Variants in WDR70 observed in about 807,000 individuals in gnomAD.
WDR70 encodes WD repeat domain 70, also known as WD repeat-containing protein 70.
Under a neutral mutation model 88.6 loss-of-function variants are expected in WDR70, and 53 were observed. The observed-to-expected ratio is 0.60, with a 90% CI of 0.48 to 0.75. The LOEUF is 0.75. Ranked by LOEUF, WDR70 falls within the 30% of genes least tolerant of loss-of-function variation. The pLI, the probability that WDR70 is intolerant of heterozygous loss-of-function variation, is 0.00. For synonymous variants in WDR70, 280 were observed against 270.0 expected (o/e 1.04, Z -0.36); for missense variants, 610 against 823.2 (o/e 0.74, Z 3.17).
chr5:37,614,256 G>A (rs941508918), intron 10 of WDR70, among the ~76,000 whole-genome samples: 3 of 152,092 alleles, frequency 2.0e-5, no homozygotes, highest in Non-Finnish European at 4.4e-5. Flanking sequence ...GGCCAGCAAC[G>A]TTGTTGAGTC....
chr5:37,670,872 A>G (rs1237409212), intron 10 of WDR70, among the ~76,000 whole-genome samples: 1 of 152,318 alleles, frequency 6.6e-6, no homozygotes, highest in East Asian at 1.9e-4. Context: ...AGTGGCTGGG[A>G]CAATATTTGG....
intron 9 of WDR70, among the ~76,000 whole-genome samples, chr5:37,589,249 TACAC>T (rs57446016): frequency 0.14 from 19,582 of 140,024 alleles, 1,487 homozygotes; most frequent in South Asian, 0.22. Flanking sequence ...CCTACACACA[TACAC>T]ACACACACAC....
intron 9 of WDR70, among the ~76,000 whole-genome samples, chr5:37,554,113 T>TG (rs1742227938): frequency 6.6e-6 from 1 of 151,906 alleles, no homozygotes; most frequent in Admixed American, 6.6e-5. Context: ...TACTCCTTTT[T>TG]TTTTTTTTTT....
chr5:37,602,114 A>C (rs1743901627), intron 9 of WDR70, among the ~76,000 whole-genome samples: 1 of 152,100 alleles, frequency 6.6e-6, no homozygotes, highest in Non-Finnish European at 1.5e-5. Flanking sequence ...GAAATACCTA[A>C]TGTAGGTGAC....
At chr5:37,530,806 TA>T (rs1741460331) in intron 9 of WDR70, among the ~76,000 whole-genome samples, 1 of 151,434 alleles carries the variant, frequency 6.6e-6, no homozygotes, top group Non-Finnish European at 1.5e-5. Flanking sequence ...TTCATTGAGT[TA>T]TGCTCTGATC....
intron 10 of WDR70, among the ~76,000 whole-genome samples, chr5:37,625,520 T>C (rs1318429997): frequency 6.6e-6 from 1 of 151,968 alleles, no homozygotes; most frequent in Non-Finnish European, 1.5e-5. Flanking sequence ...TTTTTGTTGT[T>C]GTTTTTATTT....
chr5:37,592,083 C>G (rs920243023), intron 9 of WDR70, among the ~76,000 whole-genome samples: 8 of 152,006 alleles, frequency 5.3e-5, no homozygotes, highest in African/African-American at 1.9e-4. Flanking sequence ...ATCTATTATC[C>G]AAAATGTCTG....
At chr5:37,627,905 C>T (rs112263521) in intron 10 of WDR70, among the ~76,000 whole-genome samples, 7 of 152,124 alleles carry the variant, frequency 4.6e-5, no homozygotes, top group African/African-American at 9.7e-5. Context: ...GTGAAATATT[C>T]TGTAAATGTC....
intron 13 of WDR70, among the ~76,000 whole-genome samples, chr5:37,709,992 C>A (rs73751123): frequency 0.021 from 3,225 of 152,064 alleles, 131 homozygotes; most frequent in African/African-American, 0.073. Context: ...CTAGAGGTAT[C>A]ATATTATGAA....
At chr5:37,455,887 C>T (rs751652932) in intron 7 of WDR70, among the ~76,000 whole-genome samples, 2 of 151,916 alleles carry the variant, frequency 1.3e-5, no homozygotes, top group South Asian at 2.1e-4. Flanking sequence ...TCCTTCTGAC[C>T]CCCAGGTAAC....
chr5:37,533,366 C>T (rs1031720918), intron 9 of WDR70, among the ~76,000 whole-genome samples: 1 of 152,058 alleles, frequency 6.6e-6, no homozygotes, highest in Non-Finnish European at 1.5e-5. Context: ...CCGAGATGGG[C>T]GTATCACTTG....
chr5:37,609,420 A>G (rs1744125001), intron 10 of WDR70, among the ~76,000 whole-genome samples: 2 of 152,214 alleles, frequency 1.3e-5, no homozygotes, highest in South Asian at 2.1e-4. Context: ...TTTAATATCT[A>G]TCAGGAATCT....
rs1747143222 is a variant in WDR70, at chr5:37,700,965, T to TA, written c.1193-92dup. ...TCCCCTTCCCTTTCTTCTTTACAGTTATACATTAAGTTTAGCAGACTCTAA... is the reference window on the plus strand; with the variant it reads ...TCCCCTTCCCTTTCTTCTTTACAGTTAATACATTAAGTTTAGCAGACTCTAA... On this transcript the variant is annotated intron_variant, in intron 11 of 17. Coordinates refer to ENST00000265107, the MANE Select transcript of WDR70 (RefSeq NM_018034.4). The TA allele has an allele frequency of 5.4e-6, 4 of 742,780 alleles. No homozygotes were observed. The African/African-American group carries it at 7.0e-5, about 13-fold the overall frequency. 46.0% of individuals were successfully genotyped at this position (742,780 alleles called of 1,614,324 possible).
chr5:37,545,606 C>G (rs1741966790), intron 9 of WDR70, among the ~76,000 whole-genome samples: 3 of 151,640 alleles, frequency 2.0e-5, no homozygotes, highest in Admixed American at 2.0e-4. Flanking sequence ...GATCTCAGCT[C>G]CCTGCAACCT....
intron 9 of WDR70, among the ~76,000 whole-genome samples, chr5:37,560,836 A>G (rs1284268637): frequency 6.9e-6 from 1 of 144,686 alleles, no homozygotes; most frequent in Non-Finnish European, 1.5e-5. Flanking sequence ...TTTAAGAGAC[A>G]GAGTCTTGCT....
intron 13 of WDR70, among the ~76,000 whole-genome samples, chr5:37,708,040 G>A (rs1173817511): frequency 8.3e-6 from 1 of 120,696 alleles, no homozygotes; most frequent in African/African-American, 2.9e-5. Context: ...GATAGTAAAG[G>A]TATTTTAAGG....
intron 10 of WDR70, among the ~76,000 whole-genome samples, chr5:37,645,293 C>A (rs765672048): frequency 6.6e-6 from 1 of 151,638 alleles, no homozygotes; most frequent in African/African-American, 2.4e-5. Context: ...GCATTTGTAT[C>A]ATTTCCAAAT....
intron 17 of WDR70, among the ~76,000 whole-genome samples, chr5:37,747,151 C>G (rs1237359596): frequency 2.0e-5 from 3 of 152,040 alleles, no homozygotes; most frequent in Non-Finnish European, 4.4e-5. Context: ...ATCACATAAA[C>G]AGATCCAAAG....
Position 37,414,060 on chromosome 5 carries a change from G to T in WDR70, c.492+17490G>T, listed in dbSNP as rs770897516. Among the ~76,000 whole-genome samples the T allele has an allele frequency of 5.5e-5, 8 of 146,456 alleles. 1 individual carries two copies. On this transcript the variant is annotated intron_variant, in intron 5 of 17. Transcript: ENST00000265107. ...TTTGGGAGGCTGAGGCAGGAGAATC[G>T]CTTGAACTCAGGAGGCGGAGGTTGC...
Sources: gnomAD v4.1 joint callset for allele counts (sites outside exome capture counted in the v4.1 genomes callset) on GRCh38, gnomAD v4.1.1 for gene constraint, MANE v1.5 for transcripts, NCBI Gene and HGNC (gene_info 2026-07-23, HGNC 2026-07-21) for gene names.